Variants in CCDC69 observed in about 807,000 individuals in gnomAD.
CCDC69 encodes coiled-coil domain-containing protein 69.
A neutral mutation model predicts 40.3 loss-of-function variants in CCDC69; 38 were observed. The ratio of observed to expected loss-of-function variants is 0.94; its 90% confidence interval spans 0.73 to 1.24. CCDC69 has a LOEUF of 1.24. CCDC69 is among the 50% of genes most tolerant of loss of function. The pLI is 0.00. For synonymous variants in CCDC69, 141 were observed against 138.9 expected (o/e 1.02, Z -0.11); for missense variants, 389 against 357.9 (o/e 1.09, Z -0.70).
chr5:151,201,139 G>C (rs402770), intron 3 of CCDC69, among the ~76,000 whole-genome samples: 89,357 of 152,080 alleles, frequency 0.59, 27,278 homozygotes, highest in Admixed American at 0.68. Flanking sequence ...CAGGCTGATA[G>C]AGCGGCCATT....
chr5:151,216,847 A>G (rs560053059), intron 1 of CCDC69, among the ~76,000 whole-genome samples: 1 of 152,344 alleles, frequency 6.6e-6, no homozygotes, highest in Admixed American at 6.5e-5. Context: ...AGACAGAGAA[A>G]TCAAGGCTGG....
At chr5:151,217,859 T>C (rs1753072197) in intron 1 of CCDC69, among the ~76,000 whole-genome samples, 1 of 152,200 alleles carries the variant, frequency 6.6e-6, no homozygotes, top group South Asian at 2.1e-4. Context: ...GAGGGGACAT[T>C]ACTGAATCCA....
intron 4 of CCDC69, among the ~76,000 whole-genome samples, chr5:151,195,034 C>T (rs1438815884): frequency 6.6e-6 from 1 of 151,978 alleles, no homozygotes; most frequent in Non-Finnish European, 1.5e-5. Context: ...TGGAAAATCA[C>T]CACTAGTCTC....
At chr5:151,191,067 G>T (rs965655247) in intron 4 of CCDC69, among the ~76,000 whole-genome samples, 5 of 150,244 alleles carry the variant, frequency 3.3e-5, no homozygotes, top group Non-Finnish European at 7.4e-5. Flanking sequence ...ACCTGCATGT[G>T]TGTCCTGAAT....
At chr5:151,184,732 T>C in intron 7 of CCDC69, 1 of 263,340 alleles carries the variant, frequency 3.8e-6, no homozygotes, top group East Asian at 7.8e-5. Flanking sequence ...GTCAGAAGGA[T>C]ATGATCTATA....
rs1440871313 is a variant in CCDC69 at position 151,181,477 on chromosome 5, C to T, written c.*1960G>A. On this transcript the variant is annotated 3_prime_UTR_variant, in exon 9 of 9. Transcript: ENST00000355417. The stretch of plus-strand genomic sequence containing the variant: ...TTGTGATCCACCCACCTCGGCCTCC[C>T]AAAGTGCTGGGATTACAGGCGTGAG... 1 of 152,400 alleles carries T rather than the reference C, an allele frequency of 6.6e-6. No individual in the cohort carries two copies. The highest frequency in any genetic ancestry group is 1.9e-4 in the East Asian group (1 of 5,198). The allele number at this position is 152,400 out of a possible 1,614,324, so 9.4% of individuals were successfully genotyped here.
chr5:151,195,810 AG>A (rs1197882853), intron 4 of CCDC69, among the ~76,000 whole-genome samples: 1 of 151,512 alleles, frequency 6.6e-6, no homozygotes, highest in Non-Finnish European at 1.5e-5. Flanking sequence ...TTCAATTTCC[AG>A]GCAAGGACTT....
rs73278263 is a variant in CCDC69 at position 151,221,791 on chromosome 5, G to A, written c.48+2132C>T. On this transcript the variant is annotated intron_variant, in intron 1 of 8. Coordinates refer to ENST00000355417, the MANE Select transcript of CCDC69 (RefSeq NM_015621.3). ...TCAGAACCTAACCCCTCTGTAGCCT[G>A]AGCTCATTTTTGTCCATCCCATCCC... Among the ~76,000 whole-genome samples, 358 of 152,376 alleles carry A rather than the reference G, an allele frequency of 2.3e-3. 4 individuals carry two copies. The highest frequency in any genetic ancestry group is 8.0e-3 in the African/African-American group (332 of 41,584).
chr5:151,216,867 T>C (rs62379737), intron 1 of CCDC69, among the ~76,000 whole-genome samples: 3 of 152,002 alleles, frequency 2.0e-5, no homozygotes, highest in African/African-American at 7.3e-5. Context: ...GGGAAGAGAA[T>C]AGTTAGCAAA....
intron 1 of CCDC69, among the ~76,000 whole-genome samples, chr5:151,222,686 C>T (rs1237221361): frequency 3.3e-5 from 5 of 152,188 alleles, no homozygotes; most frequent in South Asian, 2.1e-4. Context: ...CAGGTCTCTC[C>T]GCCTTGTCAT....
chr5:151,220,813 C>G (rs1753124499), intron 1 of CCDC69, among the ~76,000 whole-genome samples: 1 of 152,068 alleles, frequency 6.6e-6, no homozygotes, highest in Non-Finnish European at 1.5e-5. Context: ...GCTTCCTACC[C>G]TATTGCCCAA....
At chr5:151,211,984 C>T (rs1461483692) in intron 1 of CCDC69, among the ~76,000 whole-genome samples, 3 of 124,656 alleles carry the variant, frequency 2.4e-5, no homozygotes, top group Admixed American at 9.2e-5. Context: ...ATGGAGCAGA[C>T]GGCACCTGCA....
intron 1 of CCDC69, among the ~76,000 whole-genome samples, chr5:151,216,624 C>T (rs1034750374): frequency 7.9e-5 from 12 of 151,746 alleles, no homozygotes; most frequent in African/African-American, 2.9e-4. Flanking sequence ...CCATGTTGGT[C>T]AGGCTGGTCT....
At chr5:151,220,076 G>T (rs1409083183) in intron 1 of CCDC69, among the ~76,000 whole-genome samples, 1 of 152,162 alleles carries the variant, frequency 6.6e-6, no homozygotes, top group Admixed American at 6.5e-5. Context: ...GAAGAGGCCA[G>T]ACACTAGCCT....
At chr5:151,192,244 C>A (rs1487269543) in intron 4 of CCDC69, among the ~76,000 whole-genome samples, 13 of 148,772 alleles carry the variant, frequency 8.7e-5, no homozygotes, top group African/African-American at 3.2e-4. Flanking sequence ...TCAATGAAAC[C>A]AAAAGCTGGT....
chr5:151,211,859 C>T (rs918937105), intron 1 of CCDC69, among the ~76,000 whole-genome samples: 1 of 151,858 alleles, frequency 6.6e-6, no homozygotes. Flanking sequence ...CCAGATGATC[C>T]TAGTGCACAC....
chr5:151,224,066 T>A lies in CCDC69; in HGVS notation c.-96A>T. Reference sequence around the variant, plus strand: ...CGCTGCCCGCTCCGCGCCCGCCGGCTGGGGCTGCCGGCGAGACCCTGAAAC... The same window carrying A: ...CGCTGCCCGCTCCGCGCCCGCCGGCAGGGGCTGCCGGCGAGACCCTGAAAC... On this transcript the variant is annotated 5_prime_UTR_variant, in exon 1 of 9. Transcript: ENST00000355417. 1 of 1,132,024 alleles carries A rather than the reference T, an allele frequency of 8.8e-7. No individual in the cohort carries two copies. Among genetic ancestry groups the A allele is most frequent in the Non-Finnish European group, 1.2e-6 (1 of 822,702 alleles). The allele number at this position is 1,132,024 out of a possible 1,614,324, so 70.1% of individuals were successfully genotyped here.
At chr5:151,193,366 AAT>A (rs1425952708) in intron 4 of CCDC69, among the ~76,000 whole-genome samples, 3 of 141,324 alleles carry the variant, frequency 2.1e-5, no homozygotes, top group Non-Finnish European at 4.6e-5. Context: ...AAAAAAAAAA[AAT>A]TAGCTAGGCA....
chr5:151,183,164 G>A lies in CCDC69; in HGVS notation c.*273C>T, dbSNP rs1355713976. ...GAAAGCCTCGGAACTTCTCGGATTG[G>A]GACAGAGTGCTGGGGCAGGGAGGAA... On this transcript the variant is annotated 3_prime_UTR_variant, in exon 9 of 9. Transcript: ENST00000355417. The A allele has an allele frequency of 1.7e-6, 1 of 605,566 alleles. No homozygotes were observed. The highest frequency in any genetic ancestry group is 3.1e-6 in the Non-Finnish European group (1 of 323,758). 37.5% of individuals were successfully genotyped at this position (605,566 alleles called of 1,614,324 possible). A position where few individuals can be genotyped will look rare whatever the true frequency, so the allele number is the denominator to read the frequency against.
Sources: gnomAD v4.1 joint callset for allele counts (sites outside exome capture counted in the v4.1 genomes callset) on GRCh38, gnomAD v4.1.1 for gene constraint, MANE v1.5 for transcripts, NCBI Gene and HGNC (gene_info 2026-07-23, HGNC 2026-07-21) for gene names.